The following OVCH1 variants were observed in gnomAD, a reference collection of about 807,000 sequenced individuals.
The protein encoded by OVCH1 is ovochymase 1.
A neutral mutation model predicts 138.4 loss-of-function variants in OVCH1; 139 were observed. That is an observed-to-expected ratio of 1.00 (90% CI 0.87 to 1.16). The LOEUF is 1.16. Among genes scored for constraint, OVCH1 ranks in the 50% most tolerant of loss-of-function variants. The probability of loss-of-function intolerance (pLI) is 0.00; values close to 1 mark genes in which losing one functional copy is unlikely to be tolerated. For missense variants in OVCH1, 1,367 were observed against 1,357.9 expected (o/e 1.01, Z -0.11); for synonymous variants, 453 against 467.8 (o/e 0.97, Z 0.41).
chr12:29,427,167 A>G (rs549914787), downstream of OVCH1, among the ~76,000 whole-genome samples: 161 of 152,222 alleles, frequency 1.1e-3, no homozygotes, highest in African/African-American at 3.1e-3. Context: ...TCCTTGCTCA[A>G]TCTCTCTCTA....
At chr12:29,404,472 CTA>C in the OVCH1 span, among the ~76,000 whole-genome samples, 1 of 152,194 alleles carries the variant, frequency 6.6e-6, no homozygotes, top group Non-Finnish European at 1.5e-5. Flanking sequence ...TAATAGAAAA[CTA>C]TGGCCACTCA....
intron 16 of OVCH1, among the ~76,000 whole-genome samples, chr12:29,467,901 G>T (rs1942373790): frequency 1.3e-5 from 2 of 152,116 alleles, no homozygotes; most frequent in African/African-American, 4.8e-5. Flanking sequence ...AAGCTAAAAG[G>T]CAGGGCACGT....
intron 22 of OVCH1, among the ~76,000 whole-genome samples, chr12:29,449,891 C>T (rs1941732194): frequency 6.6e-6 from 1 of 152,064 alleles, no homozygotes; most frequent in Non-Finnish European, 1.5e-5. Context: ...TTTGACAAAC[C>T]TGACAAAAAC....
chr12:29,459,749 T>C (rs752286158), intron 19 of OVCH1, among the ~76,000 whole-genome samples: 1 of 152,114 alleles, frequency 6.6e-6, no homozygotes. Flanking sequence ...CCCATAAATA[T>C]ATATGCCTAC....
intron 1 of OVCH1, 96 bp downstream of exon 1, chr12:29,497,527 C>A: frequency 1.4e-6 from 2 of 1,435,446 alleles, no homozygotes; most frequent in South Asian, 2.6e-5. Flanking sequence ...TGTGGCTATA[C>A]CACCCCGACT....
downstream of OVCH1, chr12:29,423,417 T>A (rs1320493412): frequency 2.6e-6 from 1 of 387,026 alleles, no homozygotes; most frequent in Non-Finnish European, 5.1e-6. Flanking sequence ...AGAATGATTG[T>A]CAGGAATACA....
At chr12:29,495,226 G>C in intron 4 of OVCH1, 59 bp downstream of exon 4, 3 of 1,455,740 alleles carry the variant, frequency 2.1e-6, no homozygotes, top group Non-Finnish European at 2.8e-6. Flanking sequence ...AAGTTAACTT[G>C]TACATAATTA....
intron 26 of OVCH1, among the ~76,000 whole-genome samples, chr12:29,438,814 C>T (rs1941412659): frequency 6.6e-6 from 1 of 152,082 alleles, no homozygotes; most frequent in Admixed American, 6.6e-5. Context: ...AGTAGAAAAT[C>T]TTAATATATA....
At chr12:29,494,147 G>C (rs1332611689) in intron 4 of OVCH1, among the ~76,000 whole-genome samples, 1 of 152,088 alleles carries the variant, frequency 6.6e-6, no homozygotes, top group Non-Finnish European at 1.5e-5. Context: ...ACTTTATGTA[G>C]CATAACACAC....
At chr12:29,478,342 G>A (rs1942813312) in intron 9 of OVCH1, among the ~76,000 whole-genome samples, 1 of 152,082 alleles carries the variant, frequency 6.6e-6, no homozygotes, top group Non-Finnish European at 1.5e-5. Context: ...GGTTATGAAT[G>A]GTTTCTACTT....
the OVCH1 span, among the ~76,000 whole-genome samples, chr12:29,406,465 C>A: frequency 6.6e-6 from 1 of 152,128 alleles, no homozygotes; most frequent in African/African-American, 2.4e-5. Context: ...CCCCTCCAAC[C>A]CCACAACAGT....
rs869216306 is a variant in OVCH1, at chr12:29,485,317, TAA to T, written c.995+927_995+928del. Among the ~76,000 whole-genome samples, 172 of 89,814 alleles carry T rather than the reference TAA, an allele frequency of 1.9e-3. 1 individual carries two copies. The highest frequency in any genetic ancestry group is 6.3e-3 in the East Asian group (21 of 3,334). 58.9% of individuals were successfully genotyped at this position (89,814 alleles called of 152,430 possible). A position where few individuals can be genotyped will look rare whatever the true frequency, so the allele number is the denominator to read the frequency against. The stretch of plus-strand genomic sequence containing the variant: ...TGGGTGGAGAACAAGACCCAGTCTT[TAA>T]AAAAAAAAAAAAAAAAAAAAAAGAT... On this transcript the variant is annotated intron_variant, in intron 8 of 27. Coordinates refer to ENST00000318184, the Ensembl canonical transcript of OVCH1.
rs563491368 is a variant in OVCH1 at position 29,493,283 on chromosome 12, C to T, written c.454+2002G>A. ...CTTACTGCTGTTGAGAAGTCAATAACATTCCGTTTTTGGTAATGTGTCTTT... is the reference window on the plus strand; with the variant it reads ...CTTACTGCTGTTGAGAAGTCAATAATATTCCGTTTTTGGTAATGTGTCTTT... On this transcript the variant is annotated intron_variant, in intron 4 of 27. Coordinates refer to ENST00000318184, the Ensembl canonical transcript of OVCH1. Among the ~76,000 whole-genome samples the T allele has an allele frequency of 5.9e-5, 9 of 152,292 alleles. No individual in the cohort carries two copies. The South Asian group carries it at 1.9e-3, about 32-fold the overall frequency.
exon 19 of OVCH1, chr12:29,461,919 C>T: frequency 6.2e-7 from 1 of 1,613,924 alleles, no homozygotes; most frequent in Non-Finnish European, 8.5e-7. Context: ...GTGATCCCTC[C>T]TGGATGGGCA....
chr12:29,483,930 A>G (rs936046081), intron 8 of OVCH1, among the ~76,000 whole-genome samples: 1 of 152,218 alleles, frequency 6.6e-6, no homozygotes, highest in Non-Finnish European at 1.5e-5. Context: ...ATTAGTCTCT[A>G]TCTTTTATAG....
intron 8 of OVCH1, among the ~76,000 whole-genome samples, chr12:29,479,579 C>T (rs1353456956): frequency 6.6e-6 from 1 of 152,108 alleles, no homozygotes; most frequent in African/African-American, 2.4e-5. Context: ...GGCCATAAAT[C>T]CTAGCTTCTT....
intron 26 of OVCH1, among the ~76,000 whole-genome samples, chr12:29,437,182 A>G (rs1177905005): frequency 6.6e-6 from 1 of 152,200 alleles, no homozygotes; most frequent in East Asian, 1.9e-4. Context: ...TAGACACAGA[A>G]CGCCAACTGG....
chr12:29,456,876 G>GT (rs1460856814), intron 19 of OVCH1, among the ~76,000 whole-genome samples: 1 of 152,160 alleles, frequency 6.6e-6, no homozygotes, highest in South Asian at 2.1e-4. Context: ...GATTTTCATC[G>GT]TTTTAGGTTA....
Position 29,436,855 on chromosome 12 carries a change from G to A in OVCH1, c.3264+2473C>T, listed in dbSNP as rs2135910439. Among the ~76,000 whole-genome samples the A allele has an allele frequency of 2.0e-5, 3 of 152,324 alleles. No homozygotes were observed. The South Asian group carries it at 6.2e-4, about 32-fold the overall frequency. On this transcript the variant is annotated intron_variant, in intron 26 of 27. Coordinates refer to ENST00000318184, the Ensembl canonical transcript of OVCH1. ...TAGAGGTAGTGCGGACCCAAAGAGT[G>A]AGCAGCAGCAAGATTTATTGTGAAG...
Sources: gnomAD v4.1 joint callset for allele counts (sites outside exome capture counted in the v4.1 genomes callset) on GRCh38, gnomAD v4.1.1 for gene constraint, MANE v1.5 for transcripts, NCBI Gene and HGNC (gene_info 2026-07-23, HGNC 2026-07-21) for gene names.